The following PNLIPRP3 variants were observed in gnomAD, a reference collection of about 807,000 sequenced individuals.
PNLIPRP3 encodes pancreatic lipase related protein 3, also known as pancreatic lipase-related protein 3.
PNLIPRP3 carries 58 observed loss-of-function variants against 52.8 expected under a neutral mutation model. The observed-to-expected ratio is 1.10, with a 90% CI of 0.89 to 1.37. The LOEUF (loss-of-function observed/expected upper bound fraction) is 1.37. PNLIPRP3 is among the 40% of genes most tolerant of loss of function. The probability of loss-of-function intolerance (pLI) is 0.00; values close to 1 mark genes in which losing one functional copy is unlikely to be tolerated. For synonymous variants in PNLIPRP3, 192 were observed against 185.0 expected, an observed-to-expected ratio of 1.04 and a Z score of -0.31; for missense variants, 593 against 561.6, an observed-to-expected ratio of 1.06 and a Z score of -0.57.
intron 1 of PNLIPRP3, among the ~76,000 whole-genome samples, chr10:116,430,187 G>C (rs1845689941): frequency 6.6e-6 from 1 of 152,188 alleles, no homozygotes; most frequent in Non-Finnish European, 1.5e-5. Flanking sequence ...GATATCTGCA[G>C]GTAGCTGGAT....
At chr10:116,442,590 G>A (rs1275928271) in intron 2 of PNLIPRP3, among the ~76,000 whole-genome samples, 1 of 152,166 alleles carries the variant, frequency 6.6e-6, no homozygotes, top group African/African-American at 2.4e-5. Context: ...TGAGCTAGAT[G>A]TGGTGGCTCG....
At chr10:116,441,425 G>GT (rs373700199) in intron 2 of PNLIPRP3, among the ~76,000 whole-genome samples, 6 of 152,240 alleles carry the variant, frequency 3.9e-5, no homozygotes, top group African/African-American at 1.4e-4. Context: ...CCTCCAAAAG[G>GT]TTTTTCAGAT....
chr10:116,454,100 C>G (rs1402671539), intron 4 of PNLIPRP3, among the ~76,000 whole-genome samples: 1 of 152,048 alleles, frequency 6.6e-6, no homozygotes, highest in Non-Finnish European at 1.5e-5. Flanking sequence ...TGTGTCCCTG[C>G]AAAGGACATG....
intron 7 of PNLIPRP3, among the ~76,000 whole-genome samples, chr10:116,461,744 G>T (rs1897515): frequency 0.7 from 106,233 of 152,054 alleles, 39,392 homozygotes; most frequent in Middle Eastern, 0.85. Context: ...ATGTGTTGGT[G>T]ACAGTGAAGG....
intron 4 of PNLIPRP3, among the ~76,000 whole-genome samples, chr10:116,449,272 C>T (rs1411252301): frequency 7.7e-6 from 1 of 129,108 alleles, no homozygotes; most frequent in African/African-American, 2.8e-5. Flanking sequence ...ATGTATTAAA[C>T]TCTCTAATCA....
chr10:116,443,342 A>G (rs1197226506), intron 3 of PNLIPRP3, among the ~76,000 whole-genome samples, 168 bp downstream of exon 3: 2 of 152,086 alleles, frequency 1.3e-5, no homozygotes, highest in Non-Finnish European at 2.9e-5. Flanking sequence ...ATTTATTTTT[A>G]TTATAAATTG....
chr10:116,446,942 A>C (rs1845962238), intron 4 of PNLIPRP3, among the ~76,000 whole-genome samples: 1 of 152,048 alleles, frequency 6.6e-6, no homozygotes, highest in South Asian at 2.1e-4. Context: ...TAGGGTAATC[A>C]CTTCAATCTC....
At chr10:116,440,090 A>G (rs527691913) in intron 2 of PNLIPRP3, 1 of 688,022 alleles carries the variant, frequency 1.5e-6, no homozygotes, top group African/African-American at 1.8e-5. Flanking sequence ...TTTTAAGTGA[A>G]GAGAATCTAT....
intron 4 of PNLIPRP3, among the ~76,000 whole-genome samples, chr10:116,450,991 T>A (rs925648292): frequency 6.6e-6 from 1 of 151,316 alleles, no homozygotes; most frequent in South Asian, 2.1e-4. Flanking sequence ...GCCAAAACAA[T>A]CTCGAGAAAG....
At chr10:116,436,541 GT>G (rs528025211) in intron 1 of PNLIPRP3, among the ~76,000 whole-genome samples, 169 bp from the exon 2 acceptor site, 1 of 152,124 alleles carries the variant, frequency 6.6e-6, no homozygotes, top group Non-Finnish European at 1.5e-5. Context: ...AAAGGAACTA[GT>G]CAACAAAATG....
At chr10:116,455,597 C>A in intron 4 of PNLIPRP3, 125 bp from the exon 5 acceptor site, 1 of 671,294 alleles carries the variant, frequency 1.5e-6, no homozygotes, top group Non-Finnish European at 2.5e-6. Context: ...GTGACTTTAC[C>A]AGTCCCTGTC....
intron 4 of PNLIPRP3, among the ~76,000 whole-genome samples, chr10:116,454,489 C>T (rs952418859): frequency 1.3e-5 from 2 of 152,186 alleles, no homozygotes; most frequent in Non-Finnish European, 2.9e-5. Context: ...CAATGCATTA[C>T]TATTAATGCT....
intron 10 of PNLIPRP3, among the ~76,000 whole-genome samples, chr10:116,472,721 G>A (rs1564706110): frequency 6.6e-6 from 1 of 152,096 alleles, no homozygotes; most frequent in Non-Finnish European, 1.5e-5. Context: ...GATCCTGATT[G>A]GTGCACAGGC....
intron 10 of PNLIPRP3, among the ~76,000 whole-genome samples, chr10:116,476,274 C>T (rs932031248): frequency 4.0e-4 from 61 of 152,150 alleles, no homozygotes; most frequent in African/African-American, 1.4e-3. Context: ...TGAACAGGCT[C>T]CTGGTTTGTA....
At chr10:116,454,862 T>G (rs898064610) in intron 4 of PNLIPRP3, among the ~76,000 whole-genome samples, 1 of 152,254 alleles carries the variant, frequency 6.6e-6, no homozygotes, top group Non-Finnish European at 1.5e-5. Context: ...CAAATATCTC[T>G]TCTTCAGCAT....
intron 10 of PNLIPRP3, among the ~76,000 whole-genome samples, chr10:116,476,347 A>G (rs1334429333): frequency 2.6e-5 from 4 of 152,150 alleles, no homozygotes; most frequent in African/African-American, 9.7e-5. Flanking sequence ...TGTCAGTATA[A>G]TCTGGTTTCT....
At chr10:116,442,021 CAGGT>C (rs1845865748) in intron 2 of PNLIPRP3, among the ~76,000 whole-genome samples, 1 of 152,160 alleles carries the variant, frequency 6.6e-6, no homozygotes. Flanking sequence ...CTATTAAACA[CAGGT>C]AGCCAGAAAT....
intron 1 of PNLIPRP3, among the ~76,000 whole-genome samples, chr10:116,429,794 A>G (rs2133106111): frequency 6.6e-6 from 1 of 152,310 alleles, no homozygotes; most frequent in Middle Eastern, 3.4e-3. Context: ...AGGATCATCA[A>G]GGGAGTGACT....
rs985966503 is a variant in PNLIPRP3 at position 116,459,943 on chromosome 10, C to G, written c.566-1023C>G. On this transcript the variant is annotated intron_variant, in intron 5 of 11. Coordinates refer to ENST00000369230, the MANE Select transcript of PNLIPRP3 (RefSeq NM_001011709.3). ...CTACCATGCCTGGCTAAATTTTGTA[C>G]TTTTAGTAGAGACGGGGTTTCACCA... is the stretch of plus-strand genomic sequence containing the variant. 5.3e-5 allele frequency among the ~76,000 whole-genome samples: 8 copies of G among 152,056 alleles called. 1 individual carries two copies. The highest frequency in any genetic ancestry group is 4.1e-4 in the South Asian group (2 of 4,822).
Sources: gnomAD v4.1 joint callset for allele counts (sites outside exome capture counted in the v4.1 genomes callset) on GRCh38, gnomAD v4.1.1 for gene constraint, MANE v1.5 for transcripts, NCBI Gene and HGNC (gene_info 2026-07-23, HGNC 2026-07-21) for gene names.